Variants in XPNPEP3 observed in about 807,000 individuals in gnomAD.
The protein encoded by XPNPEP3 is xaa-Pro aminopeptidase 3.
Under a neutral mutation model 60.0 loss-of-function variants are expected in XPNPEP3, and 41 were observed. The observed-to-expected ratio is 0.68, with a 90% CI of 0.53 to 0.89. XPNPEP3 has a LOEUF of 0.89. Ranked by LOEUF, XPNPEP3 falls within the 40% of genes least tolerant of loss-of-function variation. The probability of loss-of-function intolerance (pLI) is 0.00; values close to 1 mark genes in which losing one functional copy is unlikely to be tolerated. For synonymous variants in XPNPEP3, 212 were observed against 223.2 expected (o/e 0.95, Z 0.45); for missense variants, 598 against 638.9 (o/e 0.94, Z 0.69).
At chr22:40,896,980 CTA>C (rs1244394050) in intron 4 of XPNPEP3, among the ~76,000 whole-genome samples, 1 of 149,344 alleles carries the variant, frequency 6.7e-6, no homozygotes, top group East Asian at 2.0e-4. Context: ...TGACATTCCT[CTA>C]TGGCTGAATG....
At chr22:40,918,350 G>A (rs1302811612) in intron 7 of XPNPEP3, among the ~76,000 whole-genome samples, 1 of 152,082 alleles carries the variant, frequency 6.6e-6, no homozygotes, top group East Asian at 1.9e-4. Flanking sequence ...CTCTAGCCTA[G>A]GTAACAGAGC....
chr22:40,900,448 T>TA (rs1424393813), intron 4 of XPNPEP3, among the ~76,000 whole-genome samples: 3 of 151,300 alleles, frequency 2.0e-5, no homozygotes, highest in African/African-American at 7.3e-5. Context: ...CTATTAAAAA[T>TA]ACAAAAAATT....
At chr22:40,910,924 C>G (rs1409319765) in intron 6 of XPNPEP3, among the ~76,000 whole-genome samples, 26 of 152,206 alleles carry the variant, frequency 1.7e-4, no homozygotes, top group Admixed American at 1.7e-3. Context: ...AGGAAAATCA[C>G]TTGAACCAGG....
At chr22:40,879,062 A>G (rs9941920) in intron 2 of XPNPEP3, among the ~76,000 whole-genome samples, 58 of 152,350 alleles carry the variant, frequency 3.8e-4, no homozygotes, top group African/African-American at 1.4e-3. Context: ...GAAATTTTCA[A>G]TGTTGAGTAA....
intron 2 of XPNPEP3, among the ~76,000 whole-genome samples, chr22:40,872,453 C>CT (rs547007897): frequency 0.011 from 1,619 of 143,814 alleles, 10 homozygotes; most frequent in Non-Finnish European, 0.013. Context: ...TGTGAGTCTA[C>CT]TTTTTTTTTT....
chr22:40,859,537 A>T (rs1269929020), intron 1 of XPNPEP3: 2 of 152,164 alleles, frequency 1.3e-5, no homozygotes, highest in South Asian at 2.1e-4. Flanking sequence ...ATCACATCTT[A>T]TATTAGAAGC....
intron 1 of XPNPEP3, among the ~76,000 whole-genome samples, chr22:40,864,283 A>G (rs1200167665): frequency 6.6e-6 from 1 of 152,068 alleles, no homozygotes; most frequent in Non-Finnish European, 1.5e-5. Context: ...CAGTGAGGAC[A>G]ATCAGAGGTT....
rs892777588 is a variant in XPNPEP3, at chr22:40,896,902, CTT to C, written c.792+10391_792+10392del. Reference sequence around the variant, plus strand: ...ATAAGTAGAATCATACAGTATTTGTCTTTTTGTAACTGGCTTACTTCACTTAG... The same window carrying C: ...ATAAGTAGAATCATACAGTATTTGTCTTTGTAACTGGCTTACTTCACTTAG... On this transcript the variant is annotated intron_variant, in intron 4 of 9. Transcript: ENST00000357137. Among the ~76,000 whole-genome samples, 6 of 151,852 alleles carry C rather than the reference CTT, an allele frequency of 4.0e-5. No homozygotes were observed. In the South Asian group the frequency reaches 1.0e-3, roughly 26 times the overall value.
chr22:40,907,101 T>G (rs770567058), intron 4 of XPNPEP3: 3 of 456,266 alleles, frequency 6.6e-6, no homozygotes, highest in Middle Eastern at 3.3e-4. Context: ...CACATTCAAG[T>G]CAAAGCAAAA....
intron 6 of XPNPEP3, among the ~76,000 whole-genome samples, chr22:40,912,182 G>A (rs2058179635): frequency 6.6e-6 from 1 of 152,026 alleles, no homozygotes; most frequent in Non-Finnish European, 1.5e-5. Flanking sequence ...ATTTCTTAGT[G>A]TGATAAATAT....
intron 3 of XPNPEP3, among the ~76,000 whole-genome samples, chr22:40,882,924 C>T (rs1227350413): frequency 6.6e-6 from 1 of 152,082 alleles, no homozygotes; most frequent in East Asian, 1.9e-4. Flanking sequence ...AGAGAATTTT[C>T]TTTTAAAGCA....
chr22:40,924,394 C>G lies in XPNPEP3; in HGVS notation c.1269C>G (p.Gly423=). The change falls in exon 9 of 10, where the codon GGC becomes GGG. Residue 423 remains glycine (G), a synonymous_variant. Coordinates refer to ENST00000357137, the MANE Select transcript of XPNPEP3 (RefSeq NM_022098.4). ...GAAAATACTGTCCTCATCATGTTGG[C>G]CACTACCTCGGGATGGATGTCCATG... is the stretch of plus-strand genomic sequence containing the variant. ...AARKYCPHHV[G]HYLGMDVHDT... 2 of 1,614,138 alleles carry G rather than the reference C, an allele frequency of 1.2e-6. No individual in the cohort carries two copies. Among genetic ancestry groups the G allele is most frequent in the South Asian group, 2.2e-5 (2 of 91,080 alleles).
chr22:40,907,475 C>G, intron 4 of XPNPEP3, 112 bp from the exon 5 acceptor site: 1 of 1,110,962 alleles, frequency 9.0e-7, no homozygotes, highest in Non-Finnish European at 1.4e-6. Flanking sequence ...CAACTTCAGG[C>G]TGACGAAATT....
intron 1 of XPNPEP3, chr22:40,859,675 C>G (rs2057929719): frequency 6.6e-6 from 1 of 152,132 alleles, no homozygotes; most frequent in Non-Finnish European, 1.5e-5. Flanking sequence ...AAATCAAATA[C>G]CGATACAAAA....
At chr22:40,922,204 G>C in intron 7 of XPNPEP3, 129 bp from the exon 8 acceptor site, 2 of 1,060,900 alleles carry the variant, frequency 1.9e-6, no homozygotes, top group Non-Finnish European at 2.8e-6. Flanking sequence ...TGATAGATTG[G>C]TACTTATTAA....
chr22:40,869,708 C>T (rs956556033), intron 2 of XPNPEP3, among the ~76,000 whole-genome samples: 1 of 152,088 alleles, frequency 6.6e-6, no homozygotes, highest in African/African-American at 2.4e-5. Context: ...AAGATCCCAG[C>T]GTTGCTGCCA....
chr22:40,858,278 TG>T (rs2057916182), intron 1 of XPNPEP3, among the ~76,000 whole-genome samples: 1 of 151,376 alleles, frequency 6.6e-6, no homozygotes, highest in South Asian at 2.1e-4. Flanking sequence ...GGCTAATTTT[TG>T]TAATTGTAGT....
chr22:40,868,912 A>G, intron 1 of XPNPEP3, 87 bp from the exon 2 acceptor site: 8 of 1,052,386 alleles, frequency 7.6e-6, no homozygotes, highest in Non-Finnish European at 1.0e-5. Flanking sequence ...TTTCTAAAGC[A>G]TCTAAACTGC....
intron 4 of XPNPEP3, among the ~76,000 whole-genome samples, chr22:40,896,176 A>G (rs899749639): frequency 6.6e-6 from 1 of 152,132 alleles, no homozygotes; most frequent in African/African-American, 2.4e-5. Flanking sequence ...GTAAAATTCT[A>G]TCAGGGTTGG....
Sources: gnomAD v4.1 joint callset for allele counts (sites outside exome capture counted in the v4.1 genomes callset) on GRCh38, gnomAD v4.1.1 for gene constraint, MANE v1.5 for transcripts, NCBI Gene and HGNC (gene_info 2026-07-23, HGNC 2026-07-21) for gene names.